Variants in PAPPA2 observed in about 807,000 individuals in gnomAD.
The protein encoded by PAPPA2 is pappalysin-2.
Under a neutral mutation model 176.4 loss-of-function variants are expected in PAPPA2, and 86 were observed. That is an observed-to-expected ratio of 0.49 (90% CI 0.41 to 0.58). The LOEUF (loss-of-function observed/expected upper bound fraction) is 0.58, where lower values mean the gene tolerates loss of function less well. Ranked by LOEUF, PAPPA2 falls within the 20% of genes least tolerant of loss-of-function variation. The pLI is 0.00. For missense variants in PAPPA2, 2,073 were observed against 2,256.9 expected, an observed-to-expected ratio of 0.92 and a Z score of 1.65; for synonymous variants, 809 against 852.2, an observed-to-expected ratio of 0.95 and a Z score of 0.88.
intron 14 of PAPPA2, among the ~76,000 whole-genome samples, chr1:176,745,829 C>T (rs143172719): frequency 4.7e-4 from 71 of 152,258 alleles, no homozygotes; most frequent in African/African-American, 1.7e-3. Context: ...GGCTGGTAGT[C>T]AGAAAATGCT....
chr1:176,552,587 C>T (rs1293010227), intron 1 of PAPPA2, among the ~76,000 whole-genome samples: 1 of 152,048 alleles, frequency 6.6e-6, no homozygotes, highest in Non-Finnish European at 1.5e-5. Flanking sequence ...AACAAGACAC[C>T]GCTCCTCTTG....
In PAPPA2 at chr1:176,690,349, C is replaced by T. The variant is rs752306427; in HGVS notation, c.2350C>T (p.Arg784Trp). 9.3e-6 allele frequency: 15 copies of T among 1,614,052 alleles called. No individual in the cohort carries two copies. The highest frequency in any genetic ancestry group is 2.2e-5 in the East Asian group (1 of 44,878). The change falls in exon 5 of 23, where the codon CGG becomes TGG. Residue 784 changes from arginine to tryptophan, a missense_variant. By Grantham distance (101) the Arg-to-Trp change is moderately radical. Coordinates refer to ENST00000367662, the MANE Select transcript of PAPPA2 (RefSeq NM_020318.3). ...CCCCACTCCCAAGAGTGAGCTGTGC[C>T]GGGAACCAGAGCCCACTAGTGACAC... The part of the protein sequence containing the change: ...TAPTPKSELC[R>W]EPEPTSDTCG...
intron 3 of PAPPA2, among the ~76,000 whole-genome samples, chr1:176,635,158 A>C (rs1186001738): frequency 6.6e-6 from 1 of 152,190 alleles, no homozygotes; most frequent in Admixed American, 6.5e-5. Context: ...AGAAGTTTTC[A>C]GGTTTTTTTC....
At chr1:176,679,549 T>C (rs1203448133) in intron 4 of PAPPA2, among the ~76,000 whole-genome samples, 1 of 152,176 alleles carries the variant, frequency 6.6e-6, no homozygotes, top group Admixed American at 6.5e-5. Flanking sequence ...TCAATAAGCA[T>C]AGGAGACCAT....
rs1002136119 is a variant in PAPPA2, at chr1:176,835,323, C to T, written c.5203-4850C>T. Among the ~76,000 whole-genome samples the T allele has an allele frequency of 4.6e-5, 7 of 152,176 alleles. No individual in the cohort carries two copies. In the East Asian group the frequency reaches 1.3e-3, roughly 29 times the overall value. On this transcript the variant is annotated intron_variant, in intron 21 of 22. Coordinates refer to ENST00000367662, the MANE Select transcript of PAPPA2 (RefSeq NM_020318.3). Reference sequence around the variant, plus strand: ...TAAGAAGTTTCTACTAAATAATCTTCAAGGTGTCATCTAGCCTTAGCATTT... The same window carrying T: ...TAAGAAGTTTCTACTAAATAATCTTTAAGGTGTCATCTAGCCTTAGCATTT...
intron 3 of PAPPA2, among the ~76,000 whole-genome samples, chr1:176,662,733 T>C (rs185170840): frequency 2.0e-5 from 3 of 152,268 alleles, no homozygotes; most frequent in African/African-American, 7.2e-5. Context: ...TAGGATTAAA[T>C]TGATTTTTAA....
At chr1:176,684,747 T>G (rs1659754714) in intron 4 of PAPPA2, among the ~76,000 whole-genome samples, 1 of 152,196 alleles carries the variant, frequency 6.6e-6, no homozygotes, top group South Asian at 2.1e-4. Context: ...CTAACAATAA[T>G]TTGAGGTCTA....
chr1:176,763,160 A>G (rs1387993009), intron 14 of PAPPA2, among the ~76,000 whole-genome samples: 1 of 152,180 alleles, frequency 6.6e-6, no homozygotes, highest in Non-Finnish European at 1.5e-5. Flanking sequence ...CAGATCTTTG[A>G]TAAAGTAGTT....
At chr1:176,598,426 A>G (rs1362385455) in intron 3 of PAPPA2, among the ~76,000 whole-genome samples, 1 of 152,178 alleles carries the variant, frequency 6.6e-6, no homozygotes, top group Non-Finnish European at 1.5e-5. Context: ...CCATATAATT[A>G]CTATTTTTTG....
intron 17 of PAPPA2, among the ~76,000 whole-genome samples, chr1:176,776,597 G>A (rs969416595): frequency 6.6e-6 from 1 of 152,094 alleles, no homozygotes; most frequent in Non-Finnish European, 1.5e-5. Context: ...GAGAGCCTGA[G>A]ATGGGCTGGA....
chr1:176,474,896 T>C (rs1311555424), intron 1 of PAPPA2, among the ~76,000 whole-genome samples: 1 of 152,160 alleles, frequency 6.6e-6, no homozygotes, highest in African/African-American at 2.4e-5. Flanking sequence ...AAGTCATATG[T>C]TGTGTTGATA....
At chr1:176,637,123 T>C (rs918595277) in intron 3 of PAPPA2, among the ~76,000 whole-genome samples, 2 of 151,892 alleles carry the variant, frequency 1.3e-5, no homozygotes, top group Admixed American at 6.6e-5. Flanking sequence ...TGCATGAAAG[T>C]TTGGAGAAAA....
At chr1:176,780,823 T>G (rs1197622614) in intron 17 of PAPPA2, among the ~76,000 whole-genome samples, 1 of 152,236 alleles carries the variant, frequency 6.6e-6, no homozygotes, top group Admixed American at 6.5e-5. Context: ...TTAAATGTTT[T>G]CATGTTTCAA....
At chr1:176,539,521 AC>A (rs1650256419) in intron 1 of PAPPA2, among the ~76,000 whole-genome samples, 1 of 152,102 alleles carries the variant, frequency 6.6e-6, no homozygotes, top group Non-Finnish European at 1.5e-5. Context: ...GGGAAGGTCT[AC>A]CCCATTAAGT....
Position 176,658,002 on chromosome 1 carries a change from T to TATGTAAGA in PAPPA2, c.1992-12967_1992-12960dup, listed in dbSNP as rs1170364730. On this transcript the variant is annotated intron_variant, in intron 3 of 22. Coordinates refer to ENST00000367662, the MANE Select transcript of PAPPA2 (RefSeq NM_020318.3). ...CTACTATTGAATAAGCACTTGATAATATGTAAGATGATGTGCTAAGTTTCT... is the reference window on the plus strand; with the variant it reads ...CTACTATTGAATAAGCACTTGATAATATGTAAGAATGTAAGATGATGTGCTAAGTTTCT... 3.3e-5 allele frequency among the ~76,000 whole-genome samples: 5 copies of TATGTAAGA among 152,108 alleles called. No homozygotes were observed. The East Asian group carries it at 9.7e-4, about 30-fold the overall frequency.
chr1:176,783,535 G>C (rs1463290120), intron 17 of PAPPA2, among the ~76,000 whole-genome samples: 1 of 152,166 alleles, frequency 6.6e-6, no homozygotes, highest in Non-Finnish European at 1.5e-5. Flanking sequence ...GCATTAGGTG[G>C]ATACCATAAG....
Position 176,595,653 on chromosome 1 carries a change from ATC to A in PAPPA2, c.1991+60_1991+61del. ...TAGGATGCATTTCTAACATCATTTT[ATC>A]TGTTTGGTTTTGGAGGCAAATGTGT... On this transcript the variant is annotated intron_variant, in intron 3 of 22. Coordinates refer to ENST00000367662, the MANE Select transcript of PAPPA2 (RefSeq NM_020318.3). 2.0e-6 allele frequency: 3 copies of A among 1,510,314 alleles called. 1 individual carries two copies. In the South Asian group the frequency reaches 3.8e-5, roughly 19 times the overall value. The allele number at this position is 1,510,314 out of a possible 1,614,324, so 93.6% of individuals were successfully genotyped here.
intron 3 of PAPPA2, among the ~76,000 whole-genome samples, chr1:176,627,744 G>A (rs906562397): frequency 2.6e-5 from 4 of 152,142 alleles, no homozygotes; most frequent in African/African-American, 4.8e-5. Flanking sequence ...TCTAGTTCAC[G>A]ATAGGAAGGC....
intron 22 of PAPPA2, 116 bp from the exon 23 acceptor site, chr1:176,842,264 T>C: frequency 1.1e-6 from 1 of 888,290 alleles, no homozygotes; most frequent in Admixed American, 2.3e-5. Flanking sequence ...CAGTTTGTGA[T>C]ATTGGCACAT....
Sources: allele counts gnomAD v4.1 joint callset (sites outside exome capture counted in the v4.1 genomes callset), GRCh38; gene constraint gnomAD v4.1.1; transcripts MANE v1.5; gene names NCBI Gene and HGNC (gene_info 2026-07-23, HGNC 2026-07-21).